Variants in SYNE1 observed in about 807,000 individuals in gnomAD.
SYNE1 encodes spectrin repeat containing nuclear envelope protein 1.
In SYNE1, 616 loss-of-function variants were observed where a neutral mutation model predicts 1,111.0. That is an observed-to-expected ratio of 0.55 (90% CI 0.52 to 0.59). The LOEUF (loss-of-function observed/expected upper bound fraction) is 0.59. SYNE1 is among the 20% of genes least tolerant of loss of function. The pLI, the probability that SYNE1 is intolerant of heterozygous loss-of-function variation, is 0.00. For synonymous variants in SYNE1, 3,855 were observed against 3,825.8 expected, an observed-to-expected ratio of 1.01 and a Z score of -0.28; for missense variants, 10,006 against 10,417.0, an observed-to-expected ratio of 0.96 and a Z score of 1.72.
At chr6:152,189,435 C>A in intron 127 of SYNE1, 28 bp from the exon 128 acceptor site, 1 of 1,611,280 alleles carries the variant, frequency 6.2e-7, no homozygotes, top group African/African-American at 1.3e-5. Context: ...CTTGAATACC[C>A]ACGGACATCT....
At chr6:152,261,193 C>T (rs763324500) in intron 101 of SYNE1, among the ~76,000 whole-genome samples, 5 of 152,140 alleles carry the variant, frequency 3.3e-5, no homozygotes, top group Admixed American at 1.3e-4. Flanking sequence ...GAATTCACTC[C>T]GATAATACTG....
intron 38 of SYNE1, among the ~76,000 whole-genome samples, chr6:152,426,333 A>C (rs1438410798): frequency 6.6e-6 from 1 of 152,238 alleles, no homozygotes; most frequent in Non-Finnish European, 1.5e-5. Context: ...AGAGGAAGGA[A>C]TACACAGCCT....
intron 46 of SYNE1, 78 bp downstream of exon 46, chr6:152,404,135 A>G (rs1250352368): frequency 2.2e-6 from 2 of 925,492 alleles, no homozygotes; most frequent in East Asian, 5.0e-5. Flanking sequence ...ACACACACAC[A>G]CAGAGACAGA....
chr6:152,292,931 G>T (rs998157814), intron 95 of SYNE1, among the ~76,000 whole-genome samples: 2 of 152,208 alleles, frequency 1.3e-5, no homozygotes, highest in Non-Finnish European at 2.9e-5. Context: ...TACCTCATTA[G>T]ACTGCTAAAG....
At chr6:152,192,436 A>G (rs937721119) in intron 127 of SYNE1, among the ~76,000 whole-genome samples, 5 of 124,214 alleles carry the variant, frequency 4.0e-5, no homozygotes, top group Admixed American at 1.5e-4. Context: ...ATGAGCATAC[A>G]TAAGTGACAG....
Position 152,220,842 on chromosome 6 carries a change from G to T in SYNE1, c.21861C>A (p.Asn7287Lys). The T allele has an allele frequency of 6.2e-7, 1 of 1,613,332 alleles. No homozygotes were observed. The highest frequency in any genetic ancestry group is 8.5e-7 in the Non-Finnish European group (1 of 1,179,756). ...DEVATWIQDC[N>K]DLLKGLGTVK... Reference sequence around the variant, plus strand: ...AAAACAAGGTAGCTCCTGAACATACGTTGCAATCTTGAATCCATGTGGCAA... The same window carrying T: ...AAAACAAGGTAGCTCCTGAACATACTTTGCAATCTTGAATCCATGTGGCAA... Residue 7287 changes from asparagine to lysine, a missense_variant and splice_region_variant, in exon 119 of 146, where the codon AAC becomes AAA. By Grantham distance (94) the Asn-to-Lys change is moderately conservative (BLOSUM62 0). Transcript: ENST00000367255.
At chr6:152,557,780 T>C (rs1436521592) in intron 3 of SYNE1, among the ~76,000 whole-genome samples, 1 of 152,196 alleles carries the variant, frequency 6.6e-6, no homozygotes, top group Non-Finnish European at 1.5e-5. Context: ...CTGTGGATGT[T>C]AGTCCCTACT....
intron 128 of SYNE1, among the ~76,000 whole-genome samples, chr6:152,186,146 T>TAATGGCAC (rs1391403792): frequency 1.3e-5 from 2 of 152,152 alleles, no homozygotes; most frequent in African/African-American, 2.4e-5. Flanking sequence ...CAATGCCACA[T>TAATGGCAC]AATGGCACAA....
At chr6:152,435,331 C>CT in intron 33 of SYNE1, 2 of 150,140 alleles carry the variant, frequency 1.3e-5, no homozygotes, top group Middle Eastern at 7.0e-3. Context: ...CCCCTCCAAA[C>CT]TTTTTTGTAT....
intron 3 of SYNE1, among the ~76,000 whole-genome samples, chr6:152,613,377 C>G (rs897346646): frequency 2.0e-5 from 3 of 152,156 alleles, no homozygotes; most frequent in African/African-American, 7.2e-5. Context: ...AGAGCCAAAT[C>G]ATAAGTGAAC....
chr6:152,447,353 A>G, intron 29 of SYNE1, 105 bp downstream of exon 29: 1 of 1,281,694 alleles, frequency 7.8e-7, no homozygotes, highest in Non-Finnish European at 1.1e-6. Context: ...TGTTTCAACT[A>G]TGGTTTCTTT....
intron 58 of SYNE1, among the ~76,000 whole-genome samples, chr6:152,373,974 AT>A (rs2097234016): frequency 6.6e-6 from 1 of 152,232 alleles, no homozygotes; most frequent in Non-Finnish European, 1.5e-5. Context: ...AAAACACATA[AT>A]CTGCTCAGCA....
rs1444161224 is a variant in SYNE1, at chr6:152,236,899, T to C, written c.20117A>G (p.Glu6706Gly). The C allele has an allele frequency of 6.2e-7, 1 of 1,614,102 alleles. No individual in the cohort carries two copies. The highest frequency in any genetic ancestry group is 2.2e-5 in the East Asian group (1 of 44,874). ...EDQQELSRQL[E>G]VVESSIPSVG... Reference sequence around the variant, plus strand: ...GCTTGGGATGCTGCTTTCCACCACCTCCAGCTGTCTGCTGAGCTCCTGCTG... The same window carrying C: ...GCTTGGGATGCTGCTTTCCACCACCCCCAGCTGTCTGCTGAGCTCCTGCTG... The change falls in exon 109 of 146, where the codon GAG (glutamate) becomes GGG (glycine). Residue 6706 changes from glutamate to glycine, a missense_variant. Coordinates refer to ENST00000367255, the MANE Select transcript of SYNE1 (RefSeq NM_182961.4).
intron 127 of SYNE1, among the ~76,000 whole-genome samples, chr6:152,194,655 G>C (rs9479255): frequency 6.6e-6 from 1 of 151,972 alleles, no homozygotes; most frequent in Admixed American, 6.6e-5. Context: ...GCCCTCTTGA[G>C]GCTATTTTCT....
rs751238458 is a variant in SYNE1 at position 152,284,201 on chromosome 6, A to C, written c.18013-29T>G. On this transcript the variant is annotated intron_variant, in intron 95 of 145. Transcript: ENST00000367255. ...GAGGAAAGACTGTGGAATCACACTCATGTATTCATTTCTTCACTGAGGGAT... is the reference window on the plus strand; with the variant it reads ...GAGGAAAGACTGTGGAATCACACTCCTGTATTCATTTCTTCACTGAGGGAT... 5 of 1,611,302 alleles carry C rather than the reference A, an allele frequency of 3.1e-6. No homozygotes were observed. The South Asian group carries it at 3.3e-5, about 11-fold the overall frequency.
chr6:152,148,034 C>A lies in SYNE1; in HGVS notation c.24976+11G>T. 1 of 1,612,736 alleles carries A rather than the reference C, an allele frequency of 6.2e-7. No homozygotes were observed. The highest frequency in any genetic ancestry group is 8.5e-7 in the Non-Finnish European group (1 of 1,179,324). ...CCTTTAAGCTGGCAAACTGGAGAGGCTCTTTCCTACCTGATAAGCCAACAG... is the reference window on the plus strand; with the variant it reads ...CCTTTAAGCTGGCAAACTGGAGAGGATCTTTCCTACCTGATAAGCCAACAG... On this transcript the variant is annotated intron_variant, in intron 137 of 145. Coordinates refer to ENST00000367255, the MANE Select transcript of SYNE1 (RefSeq NM_182961.4). This position sits in a 1 kb window ranked among gnomAD's most constrained non-coding sequence, Gnocchi z 4.1.
intron 128 of SYNE1, among the ~76,000 whole-genome samples, chr6:152,188,761 A>G (rs2071024938): frequency 6.6e-6 from 1 of 151,606 alleles, no homozygotes; most frequent in Non-Finnish European, 1.5e-5. Context: ...GATCGAGACC[A>G]TCCTGGCTAA....
chr6:152,391,461 T>C lies in SYNE1; in HGVS notation c.7820A>G (p.Asn2607Ser). The change falls in exon 52 of 146, where the codon AAC (asparagine) becomes AGC (serine). Residue 2607 changes from asparagine (N) to serine (S), a missense_variant. By Grantham distance (46) the Asn-to-Ser change is conservative. Around this residue, in one of 7 missense-constraint regions of SYNE1, gnomAD observed 4,955 missense variants for 5,017.2 expected, o/e 0.99. Coordinates refer to ENST00000367255, the MANE Select transcript of SYNE1 (RefSeq NM_182961.4). Reference sequence around the variant, plus strand: ...TTTCTCTTTGGTCATTCTAAGTAGGTTCTGGTGGCTTGTGAGGAGCTGGGA... The same window carrying C: ...TTTCTCTTTGGTCATTCTAAGTAGGCTCTGGTGGCTTGTGAGGAGCTGGGA... ...LCSQLLTSHQ[N>S]LLRMTKEKLR... 1 of 1,613,516 alleles carries C rather than the reference T, an allele frequency of 6.2e-7. No individual in the cohort carries two copies.
At chr6:152,179,487 AC>A (rs1460325969) in intron 129 of SYNE1, 3 of 140,570 alleles carry the variant, frequency 2.1e-5, no homozygotes, top group Non-Finnish European at 4.6e-5. Context: ...AAAAAAATAC[AC>A]AAAAAACAAA....
Sources: gnomAD v4.1 joint callset for allele counts (sites outside exome capture counted in the v4.1 genomes callset) on GRCh38, gnomAD v4.1.1 for gene constraint, gnomAD v4.1.1 regional missense constraint, Gnocchi (gnomAD v3.1) non-coding constraint, MANE v1.5 for transcripts, NCBI Gene and HGNC (gene_info 2026-07-23, HGNC 2026-07-21) for gene names.